The following WDFY3 variants were observed in gnomAD, a reference collection of about 807,000 sequenced individuals.
WDFY3 encodes the protein WD repeat and FYVE domain containing 3.
In WDFY3, 66 loss-of-function variants were observed where a neutral mutation model predicts 409.6. The ratio of observed to expected loss-of-function variants is 0.16; its 90% CI spans 0.13 to 0.20. WDFY3 has a LOEUF of 0.20. Among genes scored for constraint, WDFY3 ranks in the 10% least tolerant of loss-of-function variants. The probability of loss-of-function intolerance (pLI) is 1.00; values close to 1 mark genes in which losing one functional copy is unlikely to be tolerated. For missense variants in WDFY3, 3,031 were observed against 4,298.1 expected, an observed-to-expected ratio of 0.71 and a Z score of 8.24; for synonymous variants, 1,521 against 1,537.1, an observed-to-expected ratio of 0.99 and a Z score of 0.25.
intron 16 of WDFY3, among the ~76,000 whole-genome samples, chr4:84,802,465 T>C (rs1750766500): frequency 6.6e-6 from 1 of 151,724 alleles, no homozygotes; most frequent in Admixed American, 6.6e-5. Context: ...AGGCAGAGTT[T>C]CACTGTGTTA....
chr4:84,822,063 T>A (rs1367931726), intron 10 of WDFY3, among the ~76,000 whole-genome samples: 1 of 152,188 alleles, frequency 6.6e-6, no homozygotes, highest in Non-Finnish European at 1.5e-5. Context: ...GCTGGAAGTT[T>A]GTTTTGTTTT....
intron 2 of WDFY3, among the ~76,000 whole-genome samples, chr4:84,916,261 T>C (rs1169740702): frequency 6.6e-6 from 1 of 151,970 alleles, no homozygotes; most frequent in African/African-American, 2.4e-5. Context: ...AGAGAAAAAA[T>C]AATGAATACA....
chr4:84,892,682 CTA>C (rs1307803915), intron 3 of WDFY3, among the ~76,000 whole-genome samples: 7 of 152,146 alleles, frequency 4.6e-5, no homozygotes, highest in African/African-American at 1.7e-4. Flanking sequence ...TAAGCAACCA[CTA>C]TGTGTCCAGC....
intron 16 of WDFY3, among the ~76,000 whole-genome samples, chr4:84,802,689 C>T (rs866560617): frequency 4.6e-5 from 7 of 152,178 alleles, no homozygotes; most frequent in South Asian, 2.1e-4. Context: ...TTTTAATTTG[C>T]TAGAAGTACA....
At chr4:84,778,934 T>C (rs1425618065) in intron 26 of WDFY3, among the ~76,000 whole-genome samples, 2 of 152,232 alleles carry the variant, frequency 1.3e-5, no homozygotes, top group Non-Finnish European at 2.9e-5. Context: ...ATTATAAATA[T>C]GTAAATAGTT....
chr4:84,901,365 TCA>T (rs1269726919), intron 2 of WDFY3, among the ~76,000 whole-genome samples: 24 of 152,190 alleles, frequency 1.6e-4, no homozygotes, highest in African/African-American at 5.8e-4. Flanking sequence ...CTCGTGGGGA[TCA>T]GCTGGTGGCT....
chr4:84,788,838 G>A (rs1747977715), intron 22 of WDFY3, among the ~76,000 whole-genome samples: 1 of 152,052 alleles, frequency 6.6e-6, no homozygotes, highest in African/African-American at 2.4e-5. Flanking sequence ...TGGCCAACAT[G>A]GTGAAACCCC....
At position 84,757,130 on chromosome 4, in the gene WDFY3, T is replaced by A. The variant is rs1270383847; in HGVS notation, c.5220A>T (p.Arg1740Ser). Reference sequence around the variant, plus strand: ...CTCGGTTAATCTCCCTGACCGTCGATCTCCCACCAGCACTTCTGCCCACGT... The same window carrying A: ...CTCGGTTAATCTCCCTGACCGTCGAACTCCCACCAGCACTTCTGCCCACGT... ...GFNVGRSAGG[R>S]STVREINRDA... The change falls in exon 33 of 68, where the codon AGA (arginine) becomes AGT (serine). Residue 1740 changes from arginine (R) to serine (S), a missense_variant. Arg to Ser is a moderately radical substitution (Grantham distance 110). Coordinates refer to ENST00000295888, the MANE Select transcript of WDFY3 (RefSeq NM_014991.6). 6.2e-7 allele frequency: 1 copy of A among 1,613,784 alleles called. No individual in the cohort carries two copies. The highest frequency in any genetic ancestry group is 8.5e-7 in the Non-Finnish European group (1 of 1,179,918).
At chr4:84,850,699 G>T (rs550727998) in intron 4 of WDFY3, among the ~76,000 whole-genome samples, 3 of 152,088 alleles carry the variant, frequency 2.0e-5, no homozygotes, top group Admixed American at 6.5e-5. Flanking sequence ...ACACTGGATG[G>T]TGAAAAGCAG....
chr4:84,844,298 T>C (rs1757779888), intron 5 of WDFY3, among the ~76,000 whole-genome samples: 1 of 152,170 alleles, frequency 6.6e-6, no homozygotes, highest in South Asian at 2.1e-4. Context: ...ATGGTATTAT[T>C]ATACTTATTT....
chr4:84,783,153 T>C, intron 24 of WDFY3, 79 bp from the exon 25 acceptor site: 5 of 1,273,874 alleles, frequency 3.9e-6, no homozygotes, highest in African/African-American at 1.5e-5. Flanking sequence ...ACCAAACACA[T>C]GAATGGTAAC....
intron 44 of WDFY3, among the ~76,000 whole-genome samples, chr4:84,730,128 T>C (rs1736341424): frequency 6.6e-6 from 1 of 152,154 alleles, no homozygotes; most frequent in Admixed American, 6.5e-5. Context: ...TGAGTCCCTT[T>C]CAAAACCCTG....
At chr4:84,916,165 G>A (rs1036596203) in intron 2 of WDFY3, among the ~76,000 whole-genome samples, 9 of 151,914 alleles carry the variant, frequency 5.9e-5, no homozygotes, top group African/African-American at 2.2e-4. Context: ...AAAACAGAAC[G>A]ACACAAAAAT....
intron 2 of WDFY3, among the ~76,000 whole-genome samples, chr4:84,905,237 G>A (rs1399046657): frequency 2.0e-5 from 3 of 152,232 alleles, no homozygotes; most frequent in South Asian, 2.1e-4. Context: ...CTGGGAGGCC[G>A]AGGCAAGAGA....
chr4:84,699,318 T>G (rs1730694857), intron 56 of WDFY3, among the ~76,000 whole-genome samples: 1 of 152,208 alleles, frequency 6.6e-6, no homozygotes, highest in Admixed American at 6.5e-5. Flanking sequence ...AATATGTGAC[T>G]GTTTTTGTCT....
chr4:84,930,650 A>G (rs1025477778), intron 2 of WDFY3, among the ~76,000 whole-genome samples: 3 of 152,210 alleles, frequency 2.0e-5, no homozygotes, highest in African/African-American at 7.2e-5. Flanking sequence ...GTCAAATGAA[A>G]AAAGTTTCCT....
At chr4:84,750,135 T>C (rs1285852410) in intron 36 of WDFY3, among the ~76,000 whole-genome samples, 1 of 152,170 alleles carries the variant, frequency 6.6e-6, no homozygotes, top group Non-Finnish European at 1.5e-5. Flanking sequence ...TCCAATAAAC[T>C]ATTTCACTTT....
At chr4:84,864,245 G>A (rs540788800) in intron 3 of WDFY3, among the ~76,000 whole-genome samples, 1 of 151,756 alleles carries the variant, frequency 6.6e-6, no homozygotes, top group East Asian at 2.0e-4. Context: ...GCACACACCA[G>A]TAGTCCCAGC....
chr4:84,781,436 G>A (rs544774473), intron 25 of WDFY3, among the ~76,000 whole-genome samples: 49 of 146,594 alleles, frequency 3.3e-4, no homozygotes, highest in African/African-American at 1.2e-3. Flanking sequence ...TGTCACCCAG[G>A]CTGGAATGCA....
Sources: gnomAD v4.1 joint callset for allele counts (sites outside exome capture counted in the v4.1 genomes callset) on GRCh38, gnomAD v4.1.1 for gene constraint, MANE v1.5 for transcripts, NCBI Gene and HGNC (gene_info 2026-07-23, HGNC 2026-07-21) for gene names.